Variants in HECW1 observed in about 807,000 individuals in gnomAD.
HECW1 encodes the protein HECT, C2 and WW domain containing E3 ubiquitin protein ligase 1, also known as E3 ubiquitin-protein ligase HECW1.
HECW1 carries 61 observed loss-of-function variants against 182.3 expected under a neutral mutation model. The ratio of observed to expected loss-of-function variants is 0.33; its 90% CI spans 0.27 to 0.41. The LOEUF (loss-of-function observed/expected upper bound fraction) is 0.41, where lower values mean the gene tolerates loss of function less well. HECW1 is among the 10% of genes least tolerant of loss of function. The pLI, the probability that HECW1 is intolerant of heterozygous loss-of-function variation, is 1.00. For synonymous variants in HECW1, 859 were observed against 832.6 expected (o/e 1.03, Z -0.55); for missense variants, 1,739 against 2,108.9 (o/e 0.82, Z 3.44).
At chr7:43,160,361 G>A (rs138302577) in intron 2 of HECW1, among the ~76,000 whole-genome samples, 1 of 152,104 alleles carries the variant, frequency 6.6e-6, no homozygotes, top group African/African-American at 2.4e-5. Context: ...CACTTGTGTT[G>A]TTGTGGTTTA....
At chr7:43,162,228 G>T (rs1790617243) in intron 2 of HECW1, among the ~76,000 whole-genome samples, 1 of 152,222 alleles carries the variant, frequency 6.6e-6, no homozygotes, top group South Asian at 2.1e-4. Context: ...TCCTTGGGCT[G>T]CCGTAACAAA....
intron 2 of HECW1, among the ~76,000 whole-genome samples, chr7:43,230,630 A>T (rs1424895752): frequency 3.9e-5 from 6 of 152,180 alleles, no homozygotes; most frequent in Admixed American, 3.9e-4. Flanking sequence ...TTTAGGAAAT[A>T]TGCATCATAG....
intron 3 of HECW1, among the ~76,000 whole-genome samples, chr7:43,307,349 C>G (rs1017403021): frequency 6.6e-6 from 1 of 152,092 alleles, no homozygotes; most frequent in Non-Finnish European, 1.5e-5. Context: ...ACAAAAGATA[C>G]TTGAGTTATT....
intron 2 of HECW1, among the ~76,000 whole-genome samples, chr7:43,167,355 CT>C (rs925122786): frequency 6.6e-6 from 1 of 152,148 alleles, no homozygotes; most frequent in Non-Finnish European, 1.5e-5. Context: ...AGAGTCCACC[CT>C]AAATCTAGGG....
intron 2 of HECW1, among the ~76,000 whole-genome samples, chr7:43,224,044 T>C (rs1006558231): frequency 2.0e-5 from 3 of 152,248 alleles, no homozygotes; most frequent in Non-Finnish European, 2.9e-5. Flanking sequence ...TCTACTATAC[T>C]ACAGGACTCC....
chr7:43,380,272 C>T (rs2074492214), intron 6 of HECW1, among the ~76,000 whole-genome samples: 2 of 152,122 alleles, frequency 1.3e-5, no homozygotes, highest in Non-Finnish European at 2.9e-5. Context: ...CTTTGTTGCC[C>T]ACGCTGGTCT....
At chr7:43,170,570 A>G (rs745635275) in intron 2 of HECW1, among the ~76,000 whole-genome samples, 1 of 152,208 alleles carries the variant, frequency 6.6e-6, no homozygotes, top group Non-Finnish European at 1.5e-5. Context: ...CGGAAGGGAC[A>G]GCACACTCTC....
chr7:43,123,006 A>G (rs553562033), intron 2 of HECW1, among the ~76,000 whole-genome samples: 24 of 152,218 alleles, frequency 1.6e-4, no homozygotes, highest in South Asian at 2.1e-4. Context: ...AAATCTGCTT[A>G]TGGTTAAAGG....
intron 5 of HECW1, among the ~76,000 whole-genome samples, chr7:43,341,312 A>AT (rs1281440023): frequency 2.1e-5 from 1 of 48,646 alleles, no homozygotes; most frequent in Non-Finnish European, 3.5e-5. Flanking sequence ...AGTATTATAA[A>AT]TAAATAAATA....
intron 3 of HECW1, among the ~76,000 whole-genome samples, chr7:43,275,945 T>C (rs1803086758): frequency 6.6e-6 from 1 of 152,194 alleles, no homozygotes; most frequent in African/African-American, 2.4e-5. Context: ...TTAAAATTGT[T>C]TCATACATTG....
At chr7:43,371,871 G>C (rs934339174) in intron 6 of HECW1, among the ~76,000 whole-genome samples, 1 of 152,198 alleles carries the variant, frequency 6.6e-6, no homozygotes, top group African/African-American at 2.4e-5. Context: ...CCAGGCTAGA[G>C]TGCAATGGCA....
intron 3 of HECW1, among the ~76,000 whole-genome samples, chr7:43,247,970 AAAGGAAAG>A (rs1799592445): frequency 3.0e-5 from 4 of 132,368 alleles, no homozygotes; most frequent in African/African-American, 9.5e-5. Context: ...AGAAAAAGAG[AAAGGAAAG>A]AAGGAAGGAA....
intron 6 of HECW1, among the ~76,000 whole-genome samples, chr7:43,389,383 G>A (rs1584736470): frequency 6.6e-6 from 1 of 152,314 alleles, no homozygotes; most frequent in East Asian, 1.9e-4. Context: ...CGATTCTGAT[G>A]CATGCTAAAG....
At chr7:43,363,786 T>C (rs1169980952) in intron 6 of HECW1, among the ~76,000 whole-genome samples, 2 of 152,228 alleles carry the variant, frequency 1.3e-5, no homozygotes, top group Non-Finnish European at 2.9e-5. Flanking sequence ...TTCTAGTTGA[T>C]GCCCAGCACA....
chr7:43,422,210 A>G (rs1258125530), intron 8 of HECW1, among the ~76,000 whole-genome samples: 1 of 152,180 alleles, frequency 6.6e-6, no homozygotes, highest in East Asian at 1.9e-4. Context: ...AAACATTACC[A>G]AACAATTTAA....
intron 5 of HECW1, among the ~76,000 whole-genome samples, chr7:43,348,758 C>T (rs1256605406): frequency 6.6e-6 from 1 of 152,120 alleles, no homozygotes; most frequent in Non-Finnish European, 1.5e-5. Context: ...ATCTTGATTT[C>T]GTTTTTGACC....
At chr7:43,350,020 T>G (rs1814209847) in intron 5 of HECW1, among the ~76,000 whole-genome samples, 1 of 152,226 alleles carries the variant, frequency 6.6e-6, no homozygotes, top group Non-Finnish European at 1.5e-5. Flanking sequence ...GTTTCAAGAT[T>G]TAGAGCTCCT....
intron 8 of HECW1, among the ~76,000 whole-genome samples, chr7:43,429,291 T>C (rs2076459299): frequency 6.7e-4 from 2 of 3,002 alleles, no homozygotes; most frequent in African/African-American, 2.7e-3. Flanking sequence ...ATTATATGCA[T>C]ATATATATAT....
In HECW1 at chr7:43,493,110, C is replaced by T. The variant is rs2152919693; in HGVS notation, c.3367C>T (p.Leu1123Phe). 1.2e-6 allele frequency: 2 copies of T among 1,613,494 alleles called. No homozygotes were observed. The highest frequency in any genetic ancestry group is 1.7e-6 in the Non-Finnish European group (2 of 1,179,664). The change falls in exon 19 of 30, where the codon CTT (leucine) becomes TTT (phenylalanine). Residue 1123 changes from leucine to phenylalanine, a missense_variant. This residue lies in a region of HECW1 where 971 missense variants were observed against 1,029.1 expected (regional missense o/e 0.94). Coordinates refer to ENST00000395891, the MANE Select transcript of HECW1 (RefSeq NM_015052.5). ...ATATAATGACAAGATTGTGGCATTT[C>T]TTCGCCAGCCAAACATTTTTGAAAT... ...LAYNDKIVAFLRQPNIFEMLQ... is the reference protein window; with the variant it reads ...LAYNDKIVAFFRQPNIFEMLQ...
Sources: gnomAD v4.1 joint callset for allele counts (sites outside exome capture counted in the v4.1 genomes callset) on GRCh38, gnomAD v4.1.1 for gene constraint, gnomAD v4.1.1 regional missense constraint, MANE v1.5 for transcripts, NCBI Gene and HGNC (gene_info 2026-07-23, HGNC 2026-07-21) for gene names.